JHY: variants seen among roughly 807,000 people sequenced by gnomAD.
JHY encodes the protein jhy protein homolog.
JHY carries 69 observed loss-of-function variants against 78.0 expected under a neutral mutation model. The ratio of observed to expected loss-of-function variants is 0.88; its 90% CI spans 0.73 to 1.08. The LOEUF (loss-of-function observed/expected upper bound fraction) is 1.08, where lower values mean the gene tolerates loss of function less well. Ranked by LOEUF, JHY falls within the 50% of genes least tolerant of loss-of-function variation. The pLI is 0.00. For synonymous variants in JHY, 368 were observed against 342.6 expected (o/e 1.07, Z -0.82); for missense variants, 944 against 927.8 (o/e 1.02, Z -0.23).
intron 6 of JHY, 22 bp from the exon 7 acceptor site, chr11:122,956,474 G>C: frequency 6.2e-7 from 1 of 1,611,238 alleles, no homozygotes; most frequent in Non-Finnish European, 8.5e-7. Flanking sequence ...AAAAGAAACT[G>C]TTTCTGTGGT....
intron 5 of JHY, among the ~76,000 whole-genome samples, chr11:122,942,068 C>T (rs369279051): frequency 6.6e-5 from 10 of 152,144 alleles, no homozygotes; most frequent in South Asian, 2.1e-4. Flanking sequence ...GACAGCGTTT[C>T]GCCATGTTGG....
intron 8 of JHY, among the ~76,000 whole-genome samples, chr11:122,958,263 G>A (rs1864233916): frequency 6.6e-6 from 1 of 152,176 alleles, no homozygotes; most frequent in African/African-American, 2.4e-5. Context: ...AAGGACACGG[G>A]ACCCTTTGCA....
intron 3 of JHY, among the ~76,000 whole-genome samples, chr11:122,922,650 A>C (rs898872554): frequency 1.3e-5 from 2 of 151,978 alleles, no homozygotes; most frequent in Admixed American, 1.3e-4. Context: ...CTCTACTAAA[A>C]ATACAAAAAA....
intron 4 of JHY, among the ~76,000 whole-genome samples, chr11:122,925,331 C>A (rs984248584): frequency 6.6e-6 from 1 of 152,198 alleles, no homozygotes; most frequent in African/African-American, 2.4e-5. Flanking sequence ...AATTGTCCAA[C>A]TCTGTGCTGC....
At position 122,922,065 on chromosome 11, in the gene JHY, G is replaced by A. The variant is rs568113135; in HGVS notation, c.865-2832G>A. Among the ~76,000 whole-genome samples, 17 of 152,290 alleles carry A rather than the reference G, an allele frequency of 1.1e-4. 1 individual carries two copies. In the South Asian group the frequency reaches 3.1e-3, roughly 28 times the overall value. ...CACAAGTTGAATTGTTTCATGATGT[G>A]AAGTTTTCCATTTGCCATGTAGGTT... On this transcript the variant is annotated intron_variant, in intron 3 of 8. Transcript: ENST00000227349.
intron 2 of JHY, among the ~76,000 whole-genome samples, 158 bp from the exon 3 acceptor site, chr11:122,903,767 C>CCA (rs2135306669): frequency 6.6e-6 from 1 of 152,270 alleles, no homozygotes; most frequent in South Asian, 2.1e-4. Context: ...CAGGTATGAG[C>CCA]CACTGCACGC....
rs1291216519 is a variant in JHY at position 122,960,307 on chromosome 11, T to C, written c.*862T>C. ...TCACAGGGATGTTAAGACAGCTGGCTGCCTGGGTCTTCGCTGACCATGCTG... is the reference window on the plus strand; with the variant it reads ...TCACAGGGATGTTAAGACAGCTGGCCGCCTGGGTCTTCGCTGACCATGCTG... On this transcript the variant is annotated 3_prime_UTR_variant, in exon 9 of 9. Transcript: ENST00000227349. 3 of 158,896 alleles carry C rather than the reference T, an allele frequency of 1.9e-5. No individual in the cohort carries two copies. The East Asian group carries it at 5.2e-4, about 27-fold the overall frequency. 9.8% of individuals were successfully genotyped at this position (158,896 alleles called of 1,614,324 possible).
chr11:122,910,251 GA>G (rs1244052242), intron 3 of JHY, among the ~76,000 whole-genome samples: 1 of 152,114 alleles, frequency 6.6e-6, no homozygotes, highest in African/African-American at 2.4e-5. Flanking sequence ...AAGGCAGGTG[GA>G]TCACTTGAGG....
At chr11:122,948,159 C>T (rs1424074466) in intron 6 of JHY, among the ~76,000 whole-genome samples, 1 of 152,126 alleles carries the variant, frequency 6.6e-6, no homozygotes, top group Non-Finnish European at 1.5e-5. Flanking sequence ...TAAATAATTT[C>T]TAGGCCGGGC....
At chr11:122,901,036 G>T (rs1411583107) in intron 2 of JHY, among the ~76,000 whole-genome samples, 2 of 152,122 alleles carry the variant, frequency 1.3e-5, no homozygotes, top group African/African-American at 2.4e-5. Flanking sequence ...GAAATTTTTG[G>T]TTAGGTGATT....
At chr11:122,958,307 A>G (rs893832375) in intron 8 of JHY, among the ~76,000 whole-genome samples, 1 of 152,146 alleles carries the variant, frequency 6.6e-6, no homozygotes, top group Non-Finnish European at 1.5e-5. Flanking sequence ...GCCTGCAGGA[A>G]TTTGTACTTC....
chr11:122,925,160 A>G (rs1863469235), intron 4 of JHY, 150 bp downstream of exon 4: 5 of 643,680 alleles, frequency 7.8e-6, no homozygotes. Flanking sequence ...GCTTCTGCTC[A>G]GAGGAGCCAT....
intron 6 of JHY, among the ~76,000 whole-genome samples, chr11:122,948,468 A>AATCATAATC (rs1555059947): frequency 2.4e-4 from 36 of 148,366 alleles, no homozygotes; most frequent in African/African-American, 9.0e-4. Flanking sequence ...TAATAATAAT[A>AATCATAATC]ATAATAATAA....
At position 122,922,809 on chromosome 11, in the gene JHY, C is replaced by CAAAAAA. The variant is rs571482464; in HGVS notation, c.865-2066_865-2061dup. Among the ~76,000 whole-genome samples, 18 of 44,368 alleles carry CAAAAAA rather than the reference C, an allele frequency of 4.1e-4. 2 individuals carry two copies. Among genetic ancestry groups the CAAAAAA allele is most frequent in the African/African-American group, 8.1e-4 (18 of 22,200 alleles). The allele number at this position is 44,368 out of a possible 152,430, so 29.1% of individuals were successfully genotyped here. A position where few individuals can be genotyped will look rare whatever the true frequency, so the allele number is the denominator to read the frequency against. ...TGGGCAACAGAGCGAGACTCCGTCTCAAAAAAAAAAAAAAAAAAAAAAAAA... is the reference window on the plus strand; with the variant it reads ...TGGGCAACAGAGCGAGACTCCGTCTCAAAAAAAAAAAAAAAAAAAAAAAAAAAAAAA... On this transcript the variant is annotated intron_variant, in intron 3 of 8. Transcript: ENST00000227349.
At chr11:122,951,860 GC>G (rs1864094037) in intron 6 of JHY, among the ~76,000 whole-genome samples, 1 of 152,200 alleles carries the variant, frequency 6.6e-6, no homozygotes, top group South Asian at 2.1e-4. Flanking sequence ...GTCGGTAGAT[GC>G]CAGCTCATGT....
chr11:122,927,375 A>G (rs886323359), intron 4 of JHY, among the ~76,000 whole-genome samples: 1 of 152,226 alleles, frequency 6.6e-6, no homozygotes, highest in South Asian at 2.1e-4. Flanking sequence ...ACATCTAAAA[A>G]GTGTTATTGA....
intron 2 of JHY, among the ~76,000 whole-genome samples, chr11:122,893,808 G>A (rs1008866427): frequency 1.3e-5 from 2 of 152,068 alleles, no homozygotes; most frequent in African/African-American, 2.4e-5. Flanking sequence ...ATAAAGTAAT[G>A]GATTATTAGA....
intron 5 of JHY, among the ~76,000 whole-genome samples, chr11:122,943,666 G>A (rs1192267071): frequency 6.6e-6 from 1 of 152,120 alleles, no homozygotes; most frequent in Non-Finnish European, 1.5e-5. Context: ...ATATCTTCCT[G>A]ATGAATTCTT....
intron 2 of JHY, among the ~76,000 whole-genome samples, chr11:122,893,576 A>C (rs1036971580): frequency 6.6e-6 from 1 of 152,210 alleles, no homozygotes; most frequent in Non-Finnish European, 1.5e-5. Context: ...AATGACCTAC[A>C]ACGCTGTGAG....
Sources: gnomAD v4.1 joint callset for allele counts (sites outside exome capture counted in the v4.1 genomes callset) on GRCh38, gnomAD v4.1.1 for gene constraint, MANE v1.5 for transcripts, NCBI Gene and HGNC (gene_info 2026-07-23, HGNC 2026-07-21) for gene names.